The following NAV2 variants were observed in gnomAD, a reference collection of about 807,000 sequenced individuals.
NAV2 encodes helicase, APC down-regulated 1.
In NAV2, 54 loss-of-function variants were observed where a neutral mutation model predicts 223.2. The observed-to-expected ratio is 0.24, with a 90% CI of 0.19 to 0.30. NAV2 has a LOEUF of 0.30. NAV2 is among the 10% of genes least tolerant of loss of function. The pLI, the probability that NAV2 is intolerant of heterozygous loss-of-function variation, is 1.00. For missense variants in NAV2, 2,806 were observed against 3,147.5 expected, an observed-to-expected ratio of 0.89 and a Z score of 2.60; for synonymous variants, 1,279 against 1,239.3, an observed-to-expected ratio of 1.03 and a Z score of -0.67.
chr11:19,977,827 A>C (rs1029480427), intron 10 of NAV2, among the ~76,000 whole-genome samples: 7 of 124,442 alleles, frequency 5.6e-5, no homozygotes, highest in African/African-American at 2.2e-4. Context: ...TTTTTGAGAC[A>C]GGGTTTCACT....
chr11:19,503,896 G>A (rs1027807916), intron 1 of NAV2: 1 of 152,160 alleles, frequency 6.6e-6, no homozygotes, highest in Admixed American at 6.5e-5. Context: ...CAGAAGCGGG[G>A]AAAATAATTG....
At chr11:19,972,220 C>T (rs182218212) in intron 10 of NAV2, among the ~76,000 whole-genome samples, 1 of 152,316 alleles carries the variant, frequency 6.6e-6, no homozygotes, top group East Asian at 1.9e-4. Flanking sequence ...CAAATTCCTG[C>T]TCCCTCCCTG....
chr11:19,924,311 A>C lies in NAV2; in HGVS notation c.932-8865A>C, dbSNP rs541054175. 3.3e-3 allele frequency among the ~76,000 whole-genome samples: 494 copies of C among 150,944 alleles called. 2 individuals carry two copies. Among genetic ancestry groups the C allele is most frequent in the African/African-American group, 0.011 (461 of 40,646 alleles). ...GTAATTCTTTAAAAAAAAAAAAAAAACAAAAAAAAACTGGTTTTTAGCTAC... is the reference window on the plus strand; with the variant it reads ...GTAATTCTTTAAAAAAAAAAAAAAACCAAAAAAAAACTGGTTTTTAGCTAC... On this transcript the variant is annotated intron_variant, in intron 6 of 37. Coordinates refer to ENST00000349880, the MANE Select transcript of NAV2 (RefSeq NM_145117.5).
intron 11 of NAV2, among the ~76,000 whole-genome samples, chr11:20,023,305 A>G (rs1370132488): frequency 1.3e-5 from 2 of 151,404 alleles, no homozygotes; most frequent in African/African-American, 2.4e-5. Flanking sequence ...GGCGGGGGGC[A>G]AGGTTGCTGG....
At position 19,433,027 on chromosome 11, in the gene NAV2, A is replaced by T. The variant is rs1030710464; in HGVS notation, c.75+82000A>T. Among the ~76,000 whole-genome samples the T allele has an allele frequency of 2.0e-5, 3 of 152,188 alleles. No individual in the cohort carries two copies. The South Asian group carries it at 6.2e-4, about 32-fold the overall frequency. ...CCTGTCACTTCAGTTTTCACTGGAC[A>T]TTGACAAGCTGGAGTATGTTCTGAG... On this transcript the variant is annotated intron_variant, in intron 1 of 37. Coordinates refer to the NAV2 transcript ENST00000360655.
chr11:19,553,680 A>G (rs1221313948), intron 1 of NAV2, among the ~76,000 whole-genome samples: 1 of 152,228 alleles, frequency 6.6e-6, no homozygotes, highest in Non-Finnish European at 1.5e-5. Flanking sequence ...GATGTATTTA[A>G]CAGAAGAGCA....
intron 1 of NAV2, among the ~76,000 whole-genome samples, chr11:19,407,503 C>T (rs915188730): frequency 3.9e-5 from 6 of 152,082 alleles, no homozygotes; most frequent in Admixed American, 1.3e-4. Flanking sequence ...TAAGCAGGTG[C>T]GAGAACATGG....
intron 1 of NAV2, among the ~76,000 whole-genome samples, chr11:19,549,621 A>G (rs2134632535): frequency 6.6e-6 from 1 of 152,322 alleles, no homozygotes; most frequent in South Asian, 2.1e-4. Flanking sequence ...GCCATCTCAA[A>G]AGGACCCCAG....
intron 11 of NAV2, among the ~76,000 whole-genome samples, chr11:20,015,135 A>G (rs1268540183): frequency 6.6e-6 from 1 of 152,164 alleles, no homozygotes; most frequent in Non-Finnish European, 1.5e-5. Flanking sequence ...TAATTGCCAC[A>G]TGGATTTGCT....
At chr11:19,952,679 A>T (rs2047493846) in intron 10 of NAV2, among the ~76,000 whole-genome samples, 1 of 152,196 alleles carries the variant, frequency 6.6e-6, no homozygotes, top group East Asian at 1.9e-4. Context: ...TTTTAAAGTG[A>T]TGCTGTACTT....
intron 26 of NAV2, among the ~76,000 whole-genome samples, chr11:20,087,205 G>A (rs1323208194): frequency 6.6e-6 from 1 of 152,168 alleles, no homozygotes; most frequent in African/African-American, 2.4e-5. Context: ...CAAGTAAGAT[G>A]AGCAGAGAGA....
intron 1 of NAV2, among the ~76,000 whole-genome samples, chr11:19,406,852 T>A (rs565614367): frequency 7.2e-5 from 11 of 152,226 alleles, no homozygotes; most frequent in Non-Finnish European, 1.5e-4. Flanking sequence ...TTCTCCTGAC[T>A]GCTCCTGATT....
intron 1 of NAV2, among the ~76,000 whole-genome samples, chr11:19,525,427 G>T (rs1331241698): frequency 3.3e-5 from 5 of 152,200 alleles, no homozygotes; most frequent in Non-Finnish European, 7.3e-5. Context: ...AACTTGGTCT[G>T]AGTGAAATAG....
intron 1 of NAV2, among the ~76,000 whole-genome samples, chr11:19,730,305 G>T (rs1215735278): frequency 6.6e-6 from 1 of 152,186 alleles, no homozygotes; most frequent in African/African-American, 2.4e-5. Context: ...GTAACGTTGT[G>T]CTGCTGCCGG....
At chr11:19,714,131 G>T (rs1267246802) in intron 1 of NAV2, 169 bp downstream of exon 1, 2 of 1,011,872 alleles carry the variant, frequency 2.0e-6, no homozygotes, top group Non-Finnish European at 2.9e-6. Context: ...AGAGTGGGCC[G>T]GCCGGTGGGT....
At chr11:19,467,514 A>C (rs1852410714) in intron 1 of NAV2, among the ~76,000 whole-genome samples, 1 of 152,174 alleles carries the variant, frequency 6.6e-6, no homozygotes, top group Non-Finnish European at 1.5e-5. Context: ...TGGAGGTGAA[A>C]TAACTTGTTT....
intron 3 of NAV2, among the ~76,000 whole-genome samples, chr11:19,863,612 TCTTC>T (rs1183845029): frequency 6.6e-6 from 1 of 152,206 alleles, no homozygotes. Context: ...ATGTGCTGCC[TCTTC>T]CTTAAGAAAT....
chr11:19,891,694 A>T, intron 5 of NAV2, among the ~76,000 whole-genome samples: 1 of 152,178 alleles, frequency 6.6e-6, no homozygotes, highest in East Asian at 1.9e-4. Flanking sequence ...ACCAACCTGA[A>T]GTTTTCATTG....
chr11:19,762,363 T>C (rs1350807741), intron 1 of NAV2, among the ~76,000 whole-genome samples: 2 of 152,182 alleles, frequency 1.3e-5, no homozygotes, highest in African/African-American at 4.8e-5. Flanking sequence ...ATCCCTACAA[T>C]GATATGCAAA....
Sources: allele counts gnomAD v4.1 joint callset (sites outside exome capture counted in the v4.1 genomes callset), GRCh38; gene constraint gnomAD v4.1.1; transcripts MANE v1.5; gene names NCBI Gene and HGNC (gene_info 2026-07-23, HGNC 2026-07-21).